The following TAFA5 variants were observed in gnomAD, a reference collection of about 807,000 sequenced individuals.
The protein encoded by TAFA5 is TAFA chemokine like family member 5.
A neutral mutation model predicts 15.3 loss-of-function variants in TAFA5; 6 were observed. That is an observed-to-expected ratio of 0.39 (90% CI 0.21 to 0.77). TAFA5 has a LOEUF of 0.77. Among genes scored for constraint, TAFA5 ranks in the 30% least tolerant of loss-of-function variants. The pLI is 0.41. For missense variants in TAFA5, 161 were observed against 193.1 expected (o/e 0.83, Z 0.98); for synonymous variants, 103 against 80.7 (o/e 1.28, Z -1.48).
chr22:48,698,480 A>T (rs1221155695), intron 2 of TAFA5, among the ~76,000 whole-genome samples: 1 of 151,628 alleles, frequency 6.6e-6, no homozygotes, highest in East Asian at 2.0e-4. Context: ...AGTGAAGGTG[A>T]TGATAGGGAG....
intron 2 of TAFA5, among the ~76,000 whole-genome samples, chr22:48,670,174 C>G (rs571939262): frequency 6.6e-6 from 1 of 152,384 alleles, no homozygotes; most frequent in East Asian, 1.9e-4. Flanking sequence ...CTGGCCCACA[C>G]TGCCCCTCAT....
chr22:48,716,221 A>G (rs1240221056), intron 3 of TAFA5, among the ~76,000 whole-genome samples: 2 of 152,198 alleles, frequency 1.3e-5, no homozygotes, highest in African/African-American at 4.8e-5. Context: ...ATCCACACAT[A>G]TGTATATTGC....
intron 1 of TAFA5, among the ~76,000 whole-genome samples, chr22:48,561,306 C>A (rs1484562102): frequency 6.6e-6 from 1 of 152,142 alleles, no homozygotes; most frequent in African/African-American, 2.4e-5. Flanking sequence ...GCAGGGATAG[C>A]CGAGTCCCCT....
intron 2 of TAFA5, among the ~76,000 whole-genome samples, chr22:48,654,984 G>A (rs1927185637): frequency 6.6e-6 from 1 of 152,204 alleles, no homozygotes; most frequent in Non-Finnish European, 1.5e-5. Flanking sequence ...GAGTCAGGCA[G>A]CGTGTGGTGG....
chr22:48,735,825 T>C (rs113445639), intron 3 of TAFA5, among the ~76,000 whole-genome samples: 45 of 42,924 alleles, frequency 1.0e-3, no homozygotes, highest in Admixed American at 2.0e-3. Flanking sequence ...GAGTCCAGAG[T>C]CCATCCCCCC....
intron 1 of TAFA5, among the ~76,000 whole-genome samples, chr22:48,547,908 G>A (rs918766814): frequency 1.3e-5 from 2 of 152,184 alleles, no homozygotes; most frequent in African/African-American, 4.8e-5. Context: ...ATGGCTAACC[G>A]GTGATAGCGC....
chr22:48,590,013 C>G (rs1331485151), intron 1 of TAFA5, among the ~76,000 whole-genome samples: 6 of 115,174 alleles, frequency 5.2e-5, no homozygotes, highest in Admixed American at 4.6e-4. Context: ...GTGTGTGTGT[C>G]ACGCGCACAT....
At chr22:48,655,256 A>C (rs1927194293) in intron 2 of TAFA5, among the ~76,000 whole-genome samples, 1 of 152,146 alleles carries the variant, frequency 6.6e-6, no homozygotes, top group Non-Finnish European at 1.5e-5. Context: ...AGCAGCCCTC[A>C]CTCTTCTGCG....
At chr22:48,535,087 C>A (rs1922108825) in intron 1 of TAFA5, among the ~76,000 whole-genome samples, 1 of 152,122 alleles carries the variant, frequency 6.6e-6, no homozygotes, top group Non-Finnish European at 1.5e-5. Flanking sequence ...CAAGGCTGGG[C>A]CCTGGGGCCT....
At chr22:48,575,869 C>CGCGGCGGCGGTG (rs1555888880) in intron 1 of TAFA5, among the ~76,000 whole-genome samples, 3 of 143,056 alleles carry the variant, frequency 2.1e-5, no homozygotes, top group Non-Finnish European at 3.1e-5. Context: ...CCTGGCCCGC[C>CGCGGCGGCGGTG]GCGGCGGCGG....
chr22:48,528,097 TCTC>T (rs1216197520), intron 1 of TAFA5, among the ~76,000 whole-genome samples: 2 of 152,202 alleles, frequency 1.3e-5, no homozygotes, highest in African/African-American at 2.4e-5. Context: ...GTGCCTGTCC[TCTC>T]CTCCTCCACA....
chr22:48,689,013 A>AAG lies in TAFA5; in HGVS notation c.263-18704_263-18703insAG, dbSNP rs1555899470. On this transcript the variant is annotated intron_variant, in intron 2 of 3. Transcript: ENST00000402357. ...CTCGGAAAAAAAAAAAAAAAAAAAGAGAGAGAAAACCTTTGTTGATGTGCT... is the reference window on the plus strand; with the variant it reads ...CTCGGAAAAAAAAAAAAAAAAAAAGAAGGAGAGAAAACCTTTGTTGATGTGCT... Among the ~76,000 whole-genome samples, 84 of 111,466 alleles carry AAG rather than the reference A, an allele frequency of 7.5e-4. 9 individuals carry two copies. Among genetic ancestry groups the AAG allele is most frequent in the East Asian group, 1.4e-3 (4 of 2,776 alleles). 73.1% of individuals were successfully genotyped at this position (111,466 alleles called of 152,430 possible). A position where few individuals can be genotyped will look rare whatever the true frequency, so the allele number is the denominator to read the frequency against.
At chr22:48,737,051 G>T (rs1193905367) in intron 3 of TAFA5, among the ~76,000 whole-genome samples, 1 of 152,104 alleles carries the variant, frequency 6.6e-6, no homozygotes, top group Non-Finnish European at 1.5e-5. Context: ...CTCTCCCCTG[G>T]TCCCCAGGGG....
chr22:48,648,453 G>A (rs1926941774), intron 2 of TAFA5, among the ~76,000 whole-genome samples: 1 of 152,194 alleles, frequency 6.6e-6, no homozygotes, highest in African/African-American at 2.4e-5. Context: ...CGTGGGTGCT[G>A]GTGAAGGTCC....
Position 48,751,493 on chromosome 22 carries a change from A to G in TAFA5, c.*1646A>G, listed in dbSNP as rs774152769. ...ATGCTAGTTCTATCCTACTAAAAAA[A>G]ACGTAAAAAAATAACTATATAGAAG... is the stretch of plus-strand genomic sequence containing the variant. On this transcript the variant is annotated 3_prime_UTR_variant, in exon 4 of 4. Coordinates refer to ENST00000402357, the MANE Select transcript of TAFA5 (RefSeq NM_001082967.3). 3.9e-5 allele frequency: 6 copies of G among 152,482 alleles called. No homozygotes were observed. The highest frequency in any genetic ancestry group is 1.4e-4 in the African/African-American group (6 of 41,474). The allele number at this position is 152,482 out of a possible 1,614,324, so 9.4% of individuals were successfully genotyped here.
At chr22:48,613,839 G>A (rs73173449) in intron 1 of TAFA5, among the ~76,000 whole-genome samples, 24,055 of 152,154 alleles carry the variant, frequency 0.16, 2,369 homozygotes, top group Non-Finnish European at 0.21. Context: ...GGTGGGTCCT[G>A]AACAAAAAGA....
rs950831462 is a variant in TAFA5, at chr22:48,751,425, G to A, written c.*1578G>A. 5 of 152,386 alleles carry A rather than the reference G, an allele frequency of 3.3e-5. No homozygotes were observed. Among genetic ancestry groups the A allele is most frequent in the South Asian group, 2.1e-4 (1 of 4,822 alleles). The allele number at this position is 152,386 out of a possible 1,614,324, so 9.4% of individuals were successfully genotyped here. On this transcript the variant is annotated 3_prime_UTR_variant, in exon 4 of 4. Coordinates refer to ENST00000402357, the MANE Select transcript of TAFA5 (RefSeq NM_001082967.3). ...GCCTCCTTCATTTTCCTGAGTTCCC[G>A]CTGAAGTATATACTACCTATGAGTC...
intron 2 of TAFA5, among the ~76,000 whole-genome samples, chr22:48,687,555 C>G (rs1601672549): frequency 3.3e-5 from 5 of 152,222 alleles, no homozygotes; most frequent in Admixed American, 3.3e-4. Flanking sequence ...GTGAGGGCAC[C>G]AGGTTCCCTG....
intron 1 of TAFA5, among the ~76,000 whole-genome samples, chr22:48,558,206 G>A (rs1171887493): frequency 1.3e-5 from 2 of 152,124 alleles, no homozygotes; most frequent in East Asian, 1.9e-4. Context: ...TTGCGTCTTC[G>A]CTCTCCGTGG....
Sources: allele counts gnomAD v4.1 joint callset (sites outside exome capture counted in the v4.1 genomes callset), GRCh38; gene constraint gnomAD v4.1.1; transcripts MANE v1.5; gene names NCBI Gene and HGNC (gene_info 2026-07-23, HGNC 2026-07-21).